Variants in CDH13 observed in about 807,000 individuals in gnomAD.
CDH13 encodes the protein cadherin 13, also known as cadherin-13.
A neutral mutation model predicts 63.8 loss-of-function variants in CDH13; 24 were observed. That is an observed-to-expected ratio of 0.38 (90% CI 0.27 to 0.53). CDH13 has a LOEUF of 0.53. Ranked by LOEUF, CDH13 falls within the 20% of genes least tolerant of loss-of-function variation. CDH13 has a pLI of 0.85. For missense variants in CDH13, 1,049 were observed against 903.1 expected, an observed-to-expected ratio of 1.16 and a Z score of -2.07; for synonymous variants, 503 against 355.3, an observed-to-expected ratio of 1.42 and a Z score of -4.67.
chr16:82,890,344 A>G (rs1161512004), intron 2 of CDH13, among the ~76,000 whole-genome samples: 1 of 152,222 alleles, frequency 6.6e-6, no homozygotes, highest in African/African-American at 2.4e-5. Context: ...TCAGTAAGGC[A>G]TGTGAGTTTG....
chr16:83,005,723 C>T (rs1318550069), intron 2 of CDH13, among the ~76,000 whole-genome samples: 2 of 152,234 alleles, frequency 1.3e-5, no homozygotes, highest in Admixed American at 1.3e-4. Flanking sequence ...CTGACTCCAA[C>T]AAGAGAGCTA....
intron 3 of CDH13, among the ~76,000 whole-genome samples, chr16:83,054,379 G>A (rs1461633314): frequency 1.3e-5 from 2 of 152,010 alleles, no homozygotes; most frequent in East Asian, 1.9e-4. Context: ...TGAACTTTGG[G>A]GCCATTAAGT....
In CDH13 at chr16:83,164,964, C is replaced by A. The variant is rs547977004; in HGVS notation, c.483+39463C>A. Among the ~76,000 whole-genome samples, 5 of 151,788 alleles carry A rather than the reference C, an allele frequency of 3.3e-5. No individual in the cohort carries two copies. In the East Asian group the frequency reaches 7.8e-4, roughly 24 times the overall value. ...GTGCCCAGGTAAAACCATGGCAGAA[C>A]TGGAGACAATCCAGGCAGCCTGGCT... On this transcript the variant is annotated intron_variant, in intron 4 of 13. Coordinates refer to ENST00000567109, the MANE Select transcript of CDH13 (RefSeq NM_001257.5).
chr16:82,965,186 C>T (rs889588316), intron 2 of CDH13, among the ~76,000 whole-genome samples: 7 of 152,226 alleles, frequency 4.6e-5, no homozygotes, highest in Admixed American at 4.6e-4. Flanking sequence ...CCAAACCCCT[C>T]ACCCGTCTCG....
chr16:83,774,377 T>C (rs1914965064), intron 11 of CDH13, among the ~76,000 whole-genome samples: 1 of 150,242 alleles, frequency 6.7e-6, no homozygotes, highest in Non-Finnish European at 1.5e-5. Context: ...TGCCATTTCT[T>C]TTTTTTTTTC....
intron 2 of CDH13, chr16:82,884,451 A>T: frequency 6.9e-6 from 2 of 290,534 alleles, no homozygotes; most frequent in Non-Finnish European, 1.4e-5. Context: ...AACAGCAGCA[A>T]CCCAGTGCCT....
intron 4 of CDH13, among the ~76,000 whole-genome samples, chr16:83,146,643 C>T (rs1229294446): frequency 6.6e-6 from 1 of 152,220 alleles, no homozygotes; most frequent in African/African-American, 2.4e-5. Context: ...TGGTATTCAA[C>T]AGGCATCCCT....
chr16:82,942,489 T>C (rs562714344), intron 2 of CDH13, among the ~76,000 whole-genome samples: 1 of 152,270 alleles, frequency 6.6e-6, no homozygotes, highest in East Asian at 1.9e-4. Context: ...CGCCAGAGGA[T>C]TTGACCTAAG....
chr16:82,836,455 G>A (rs901922880), intron 1 of CDH13, among the ~76,000 whole-genome samples: 7 of 152,062 alleles, frequency 4.6e-5, no homozygotes, highest in African/African-American at 1.2e-4. Context: ...TGGCCAAGAC[G>A]TAATTATTAA....
intron 6 of CDH13, among the ~76,000 whole-genome samples, chr16:83,399,809 C>T (rs2091940509): frequency 6.6e-6 from 1 of 152,138 alleles, no homozygotes; most frequent in Admixed American, 6.5e-5. Context: ...TTACCCCCCG[C>T]CGCATTTAGC....
intron 1 of CDH13, among the ~76,000 whole-genome samples, chr16:82,768,657 G>A (rs978942125): frequency 6.6e-6 from 1 of 152,146 alleles, no homozygotes; most frequent in African/African-American, 2.4e-5. Context: ...TAGGAGAGCT[G>A]GGCTTCAGGA....
intron 1 of CDH13, among the ~76,000 whole-genome samples, chr16:82,821,956 G>A (rs1219088223): frequency 6.6e-6 from 1 of 152,126 alleles, no homozygotes. Flanking sequence ...AGGGAACCAG[G>A]TTCCTCACTG....
chr16:83,145,774 C>G (rs1382909095), intron 4 of CDH13, among the ~76,000 whole-genome samples: 2 of 152,166 alleles, frequency 1.3e-5, no homozygotes, highest in East Asian at 1.9e-4. Context: ...GGCTAGCAGA[C>G]CAGCCTGGGT....
intron 2 of CDH13, among the ~76,000 whole-genome samples, chr16:82,900,530 T>G (rs909224514): frequency 6.6e-6 from 1 of 152,186 alleles, no homozygotes; most frequent in African/African-American, 2.4e-5. Flanking sequence ...GTGGGTAGAA[T>G]TGAGAAAAGG....
chr16:83,446,325 G>T (rs74712024), intron 6 of CDH13, among the ~76,000 whole-genome samples: 2 of 150,102 alleles, frequency 1.3e-5, no homozygotes, highest in Admixed American at 6.6e-5. Context: ...AAGAAAGAAA[G>T]AAAAAAGAAA....
intron 2 of CDH13, among the ~76,000 whole-genome samples, chr16:83,023,356 T>C (rs1315514252): frequency 1.3e-5 from 2 of 152,056 alleles, no homozygotes; most frequent in African/African-American, 2.4e-5. Context: ...CAAAGAATGA[T>C]GTTATGCAAT....
Position 82,861,372 on chromosome 16 carries a change from C to G in CDH13, c.157+2899C>G, listed in dbSNP as rs753446852. Among the ~76,000 whole-genome samples the G allele has an allele frequency of 2.2e-4, 34 of 152,288 alleles. 1 individual carries two copies. In the Middle Eastern group the frequency reaches 0.01, roughly 46 times the overall value. ...CACAGCATAATCAATCAATTGATGTCTACACTCTTCACTTTTCTTTAAAGT... is the reference window on the plus strand; with the variant it reads ...CACAGCATAATCAATCAATTGATGTGTACACTCTTCACTTTTCTTTAAAGT... On this transcript the variant is annotated intron_variant, in intron 2 of 13. Transcript: ENST00000567109.
intron 5 of CDH13, among the ~76,000 whole-genome samples, chr16:83,313,203 C>G (rs1332554465): frequency 2.0e-5 from 3 of 152,122 alleles, no homozygotes. Flanking sequence ...AAATGACAGC[C>G]CTTTCTTAAG....
chr16:83,510,352 C>T (rs2074528329), intron 7 of CDH13, among the ~76,000 whole-genome samples: 1 of 152,156 alleles, frequency 6.6e-6, no homozygotes, highest in East Asian at 1.9e-4. Flanking sequence ...ATAAACACCA[C>T]CATTCCACAA....
Sources: gnomAD v4.1 joint callset for allele counts (sites outside exome capture counted in the v4.1 genomes callset) on GRCh38, gnomAD v4.1.1 for gene constraint, MANE v1.5 for transcripts, NCBI Gene and HGNC (gene_info 2026-07-23, HGNC 2026-07-21) for gene names.